The following RAD17 variants were observed in gnomAD, a reference collection of about 807,000 sequenced individuals.
RAD17 encodes RAD17 checkpoint clamp loader component.
In RAD17, 31 loss-of-function variants were observed where a neutral mutation model predicts 81.5. The observed-to-expected ratio is 0.38, with a 90% CI of 0.29 to 0.51. The LOEUF (loss-of-function observed/expected upper bound fraction) is 0.51. Ranked by LOEUF, RAD17 falls within the 20% of genes least tolerant of loss-of-function variation. The probability of loss-of-function intolerance (pLI) is 0.88; values close to 1 mark genes in which losing one functional copy is unlikely to be tolerated. For synonymous variants in RAD17, 261 were observed against 266.2 expected, an observed-to-expected ratio of 0.98 and a Z score of 0.19; for missense variants, 681 against 781.2, an observed-to-expected ratio of 0.87 and a Z score of 1.53.
intron 17 of RAD17, among the ~76,000 whole-genome samples, chr5:69,405,228 G>A (rs1304232458): frequency 6.6e-6 from 1 of 152,126 alleles, no homozygotes; most frequent in Admixed American, 6.6e-5. Flanking sequence ...AATAGGCCGG[G>A]CGCAGTGGCT....
At chr5:69,369,775 C>T, upstream of RAD17, 1 of 1,449,702 alleles carries the variant, frequency 6.9e-7, no homozygotes, top group South Asian at 1.2e-5. Context: ...GTGGTCCCCG[C>T]CCTTCGCTTG....
At chr5:69,412,984 C>CAA (rs58817125) in intron 18 of RAD17, among the ~76,000 whole-genome samples, 3 of 145,016 alleles carry the variant, frequency 2.1e-5, no homozygotes, top group African/African-American at 2.6e-5. Context: ...AAGACTGTCT[C>CAA]AAAAAAAAAA....
At chr5:69,394,555 C>T (rs1241187016) in intron 15 of RAD17, among the ~76,000 whole-genome samples, 1 of 151,160 alleles carries the variant, frequency 6.6e-6, no homozygotes, top group Non-Finnish European at 1.5e-5. Flanking sequence ...CTGCCCTTAC[C>T]AGTACAACAG....
At chr5:69,389,298 A>G (rs1459862127) in intron 12 of RAD17, among the ~76,000 whole-genome samples, 153 bp downstream of exon 12, 1 of 152,182 alleles carries the variant, frequency 6.6e-6, no homozygotes, top group Non-Finnish European at 1.5e-5. Flanking sequence ...AAATATATAC[A>G]CATGCATACA....
chr5:69,403,375 T>G (rs895066941), intron 17 of RAD17, among the ~76,000 whole-genome samples: 3 of 152,158 alleles, frequency 2.0e-5, no homozygotes, highest in African/African-American at 7.2e-5. Context: ...GGATATGTAT[T>G]TTTTTGGCAG....
intron 11 of RAD17, among the ~76,000 whole-genome samples, chr5:69,386,742 G>A (rs1309446516): frequency 6.6e-6 from 1 of 151,902 alleles, no homozygotes; most frequent in East Asian, 1.9e-4. Flanking sequence ...ATGTTTTCTG[G>A]CATGTAGGTA....
At chr5:69,409,745 T>C (rs1009382634) in intron 17 of RAD17, among the ~76,000 whole-genome samples, 12 of 152,216 alleles carry the variant, frequency 7.9e-5, no homozygotes, top group African/African-American at 2.9e-4. Context: ...GCAGTAGTGT[T>C]AAGTATATCC....
At chr5:69,385,847 A>T (rs563750863) in intron 8 of RAD17, among the ~76,000 whole-genome samples, 196 bp from the exon 9 acceptor site, 5 of 152,182 alleles carry the variant, frequency 3.3e-5, no homozygotes, top group Non-Finnish European at 5.9e-5. Context: ...AACCCAAAGA[A>T]ATTTGATCTA....
At chr5:69,393,828 C>G (rs1764692085) in intron 15 of RAD17, among the ~76,000 whole-genome samples, 1 of 151,100 alleles carries the variant, frequency 6.6e-6, no homozygotes, top group African/African-American at 2.4e-5. Flanking sequence ...ACCTGAGCCT[C>G]CGAAAGTGCT....
rs1445228102 is a variant in RAD17, at chr5:69,410,988, TATATATATAC to T, written c.1751+439_1751+448del. ...GTCTATATATATATATATATATATA[TATATATATAC>T]TGTTCATTTTATTGGAAAGTAGCTT... is the stretch of plus-strand genomic sequence containing the variant. On this transcript the variant is annotated intron_variant, in intron 18 of 18. Transcript: ENST00000354868. Among the ~76,000 whole-genome samples the T allele has an allele frequency of 1.1e-3, 157 of 144,482 alleles. 6 individuals carry two copies. Among genetic ancestry groups the T allele is most frequent in the Non-Finnish European group, 1.6e-3 (106 of 66,112 alleles). 94.8% of individuals were successfully genotyped at this position (144,482 alleles called of 152,430 possible).
Position 69,369,856 on chromosome 5 carries a change from C to G in RAD17, c.-494C>G, listed in dbSNP as rs946685606. On this transcript the variant is annotated 5_prime_UTR_variant, in exon 1 of 19. Transcript: ENST00000354868. ...GCTCGGCGTTGAGCCCGGGTAGGGC[C>G]AGGTGGCTGCCCTTTCACCTAGGGT... 11 of 728,582 alleles carry G rather than the reference C, an allele frequency of 1.5e-5. No homozygotes were observed. Among genetic ancestry groups the G allele is most frequent in the Non-Finnish European group, 2.5e-5 (11 of 440,650 alleles). The allele number at this position is 728,582 out of a possible 1,614,324, so 45.1% of individuals were successfully genotyped here. A position where few individuals can be genotyped will look rare whatever the true frequency, so the allele number is the denominator to read the frequency against.
At chr5:69,379,555 T>C (rs1347025498) in intron 6 of RAD17, among the ~76,000 whole-genome samples, 2 of 152,154 alleles carry the variant, frequency 1.3e-5, no homozygotes, top group Non-Finnish European at 2.9e-5. Context: ...GATTCTTTGA[T>C]AATAACACTT....
At chr5:69,398,115 T>TAA (rs879802497) in intron 16 of RAD17, among the ~76,000 whole-genome samples, 2 of 140,262 alleles carry the variant, frequency 1.4e-5, no homozygotes, top group African/African-American at 2.6e-5. Context: ...AGACTCCATC[T>TAA]AAAAAAAAAA....
rs141526461 is a variant in RAD17 at position 69,370,958 on chromosome 5, A to G, written c.-416-77A>G. ...GAAAACACGGTTGAAAAACAGTGTTACCAAGAAATTTTGTAATAACATGTT... is the reference window on the plus strand; with the variant it reads ...GAAAACACGGTTGAAAAACAGTGTTGCCAAGAAATTTTGTAATAACATGTT... On this transcript the variant is annotated intron_variant, in intron 1 of 18. Transcript: ENST00000354868. 3.0e-3 allele frequency: 689 copies of G among 232,066 alleles called. 8 individuals are homozygous for G. Among genetic ancestry groups the G allele is most frequent in the African/African-American group, 0.016 (668 of 43,064 alleles). The allele number at this position is 232,066 out of a possible 1,614,324, so 14.4% of individuals were successfully genotyped here. A position where few individuals can be genotyped will look rare whatever the true frequency, so the allele number is the denominator to read the frequency against.
intron 6 of RAD17, among the ~76,000 whole-genome samples, chr5:69,375,852 T>C (rs2150773152): frequency 6.6e-6 from 1 of 152,078 alleles, no homozygotes; most frequent in South Asian, 2.1e-4. Flanking sequence ...TCCCTGAATC[T>C]AATAATAGTT....
chr5:69,377,872 G>C (rs1763614256), intron 6 of RAD17, among the ~76,000 whole-genome samples: 1 of 151,738 alleles, frequency 6.6e-6, no homozygotes, highest in African/African-American at 2.4e-5. Flanking sequence ...GCTCACTGCA[G>C]CCTTGAACTC....
Position 69,369,933 on chromosome 5 carries a change from A to T in RAD17, c.-417A>T. On this transcript the variant is annotated splice_region_variant and 5_prime_UTR_variant, in exon 1 of 19. Coordinates refer to ENST00000354868, the MANE Select transcript of RAD17 (RefSeq NM_133338.3). Reference sequence around the variant, plus strand: ...CTAAAAGGGGATGCAGCTCCGGGAAAGTAAGGCCGCCGCGGTTGCGGCTAT... The same window carrying T: ...CTAAAAGGGGATGCAGCTCCGGGAATGTAAGGCCGCCGCGGTTGCGGCTAT... The T allele has an allele frequency of 1.8e-6, 1 of 564,200 alleles. No individual in the cohort carries two copies. 34.9% of individuals were successfully genotyped at this position (564,200 alleles called of 1,614,324 possible).
In RAD17 at chr5:69,377,465, A is replaced by ACG. The variant is rs1299563757; in HGVS notation, c.351+2754_351+2755insCG. On this transcript the variant is annotated intron_variant, in intron 6 of 18. Transcript: ENST00000354868. ...TATATATATATATATATATATATATATATATATATACACACACACACATAT... is the reference window on the plus strand; with the variant it reads ...TATATATATATATATATATATATATACGTATATATATACACACACACACATAT... 0.012 allele frequency among the ~76,000 whole-genome samples: 76 copies of ACG among 6,258 alleles called. 5 individuals carry two copies. In the East Asian group the frequency reaches 0.34, roughly 28 times the overall value. The allele number at this position is 6,258 out of a possible 152,430, so 4.1% of individuals were successfully genotyped here.
At chr5:69,385,525 G>T (rs1394020741) in intron 8 of RAD17, among the ~76,000 whole-genome samples, 2 of 151,728 alleles carry the variant, frequency 1.3e-5, no homozygotes, top group Non-Finnish European at 2.9e-5. Context: ...TCCCGCCTTG[G>T]CCTCCCGAGT....
Sources: gnomAD v4.1 joint callset for allele counts (sites outside exome capture counted in the v4.1 genomes callset) on GRCh38, gnomAD v4.1.1 for gene constraint, MANE v1.5 for transcripts, NCBI Gene and HGNC (gene_info 2026-07-23, HGNC 2026-07-21) for gene names.